The following BUD31 variants were observed in gnomAD, a reference collection of about 807,000 sequenced individuals.
BUD31 encodes protein BUD31 homolog.
BUD31 carries 9 observed loss-of-function variants against 17.9 expected under a neutral mutation model. That is an observed-to-expected ratio of 0.50 (90% CI 0.30 to 0.88). BUD31 has a LOEUF of 0.88. Among genes scored for constraint, BUD31 ranks in the 40% least tolerant of loss-of-function variants. The probability of loss-of-function intolerance (pLI) is 0.06; values close to 1 mark genes in which losing one functional copy is unlikely to be tolerated. For synonymous variants in BUD31, 70 were observed against 64.7 expected (o/e 1.08, Z -0.39); for missense variants, 148 against 184.5 (o/e 0.80, Z 1.15).
chr7:99,409,179 GT>G lies in BUD31; in HGVS notation c.-230del, dbSNP rs2150911904. ...AGCTCCCGAGAGGAGGCGGCGCCAC[GT>G]TCGTTCTTCTGAGGGGACGGTAGAT... is the stretch of plus-strand genomic sequence containing the variant. On this transcript the variant is annotated 5_prime_UTR_variant, in exon 1 of 6. It removes the in-frame stop codon of an upstream open reading frame in the 5' UTR. Coordinates refer to ENST00000222969, the MANE Select transcript of BUD31 (RefSeq NM_003910.4). 1 of 152,470 alleles carries G rather than the reference GT, an allele frequency of 6.6e-6. No homozygotes were observed. The highest frequency in any genetic ancestry group is 2.1e-4 in the South Asian group (1 of 4,828). The allele number at this position is 152,470 out of a possible 1,614,324, so 9.4% of individuals were successfully genotyped here.
intron 3 of BUD31, chr7:99,411,844 T>G (rs1483027979): frequency 2.5e-6 from 1 of 392,986 alleles, no homozygotes; most frequent in East Asian, 8.2e-5. Context: ...GTAATTTGGA[T>G]TACAGGCATG....
chr7:99,417,770 G>A lies in BUD31; in HGVS notation c.384+175G>A, dbSNP rs571988991. On this transcript the variant is annotated intron_variant, in intron 5 of 5. Transcript: ENST00000222969. ...TATTCAGGAATCCATGTGAGGCAGC[G>A]TGTGGCTGTGTGTTTGTTAGGTCTG... is the stretch of plus-strand genomic sequence containing the variant. 4.8e-5 allele frequency: 74 copies of A among 1,531,372 alleles called. 1 individual carries two copies. In the South Asian group the frequency reaches 5.2e-4, roughly 11 times the overall value. 94.9% of individuals were successfully genotyped at this position (1,531,372 alleles called of 1,614,324 possible).
intron 3 of BUD31, among the ~76,000 whole-genome samples, chr7:99,412,792 T>G (rs890637021): frequency 1.3e-5 from 2 of 150,586 alleles, no homozygotes; most frequent in African/African-American, 2.5e-5. Flanking sequence ...TTTTTTTTTT[T>G]TTGTATTTTT....
chr7:99,415,352 CATT>C, intron 3 of BUD31: 1 of 429,788 alleles, frequency 2.3e-6, no homozygotes, highest in South Asian at 1.7e-5. Flanking sequence ...CAGCTTATGC[CATT>C]ATTTCTGCTT....
chr7:99,409,725 C>A (rs966453822), intron 1 of BUD31, among the ~76,000 whole-genome samples: 1 of 116,304 alleles, frequency 8.6e-6, no homozygotes, highest in African/African-American at 3.4e-5. Context: ...GATTCCTCCT[C>A]TATATGGTTG....
In BUD31 at chr7:99,409,140, T is replaced by C. The variant is rs10277447; in HGVS notation, c.-271T>C. On this transcript the variant is annotated 5_prime_UTR_variant, in exon 1 of 6. Coordinates refer to ENST00000222969, the MANE Select transcript of BUD31 (RefSeq NM_003910.4). Reference sequence around the variant, plus strand: ...CTGGGATGTGTTCGGGCTTTGGACCTTGAGGCCGGAGAGAGCTCCCGAGAG... The same window carrying C: ...CTGGGATGTGTTCGGGCTTTGGACCCTGAGGCCGGAGAGAGCTCCCGAGAG... 31,828 of 152,270 alleles carry C rather than the reference T, an allele frequency of 0.21. 6,941 individuals carry two copies. The highest frequency in any genetic ancestry group is 0.56 in the African/African-American group (23,136 of 41,470). The allele number at this position is 152,270 out of a possible 1,614,324, so 9.4% of individuals were successfully genotyped here. A position where few individuals can be genotyped will look rare whatever the true frequency, so the allele number is the denominator to read the frequency against.
At chr7:99,419,281 T>C (rs1294342256) in intron 5 of BUD31, 110 bp from the exon 6 acceptor site, 4 of 1,339,310 alleles carry the variant, frequency 3.0e-6, no homozygotes, top group African/African-American at 2.9e-5. Flanking sequence ...CTGAGGTGTG[T>C]CCCTATATGG....
intron 4 of BUD31, chr7:99,416,908 ATGGGCCCT>A: frequency 6.2e-6 from 1 of 161,160 alleles, no homozygotes; most frequent in Admixed American, 5.8e-5. Context: ...TTTTGTGGAG[ATGGGCCCT>A]TGGCCCAGGC....
chr7:99,410,750 C>T (rs906236426), intron 2 of BUD31, among the ~76,000 whole-genome samples: 4 of 152,200 alleles, frequency 2.6e-5, no homozygotes, highest in African/African-American at 9.7e-5. Flanking sequence ...CAGCAAATGT[C>T]TCTTAGGCAC....
chr7:99,411,612 C>G, intron 3 of BUD31: 1 of 437,310 alleles, frequency 2.3e-6, no homozygotes, highest in Non-Finnish European at 4.6e-6. Flanking sequence ...GCTTTGTGAA[C>G]CCGTGTCCTA....
At position 99,417,490 on chromosome 7, in the gene BUD31, A is replaced by G. The variant is rs200656991; in HGVS notation, c.279A>G (p.Lys93=). Residue 93 remains lysine, a synonymous_variant, in exon 5 of 6, where the codon AAA becomes AAG. Coordinates refer to ENST00000222969, the MANE Select transcript of BUD31 (RefSeq NM_003910.4). ...ACAAAAACCTGATTGCAAAATGGAA[A>G]AAGCAAGGATATGAGAACTTGTGCT... ...YADKNLIAKW[K]KQGYENLCCL... 3.7e-6 allele frequency: 6 copies of G among 1,611,742 alleles called. No homozygotes were observed. The Admixed American group carries it at 8.4e-5, about 23-fold the overall frequency.
chr7:99,418,442 C>G (rs1795630593), intron 5 of BUD31: 1 of 153,418 alleles, frequency 6.5e-6, no homozygotes, highest in African/African-American at 2.4e-5. Flanking sequence ...CCCCTCAGCA[C>G]AGTTGTTGGC....
At chr7:99,411,643 T>C (rs1434761102) in intron 3 of BUD31, 7 of 453,192 alleles carry the variant, frequency 1.5e-5, no homozygotes, top group Non-Finnish European at 2.7e-5. Context: ...GGAAATTTTA[T>C]CTGAAGCCAC....
At chr7:99,411,283 G>A (rs1376117147) in intron 3 of BUD31, 97 bp downstream of exon 3, 79 of 890,808 alleles carry the variant, frequency 8.9e-5, no homozygotes, top group Non-Finnish European at 1.3e-4. Flanking sequence ...TAAAAAGAGA[G>A]TGGTCTACTA....
chr7:99,415,759 G>A (rs1215164148), intron 3 of BUD31, among the ~76,000 whole-genome samples: 2 of 152,088 alleles, frequency 1.3e-5, no homozygotes, highest in East Asian at 1.9e-4. Context: ...GCTTGCACTC[G>A]TTTTCTGGTC....
intron 5 of BUD31, 43 bp downstream of exon 5, chr7:99,417,638 A>G (rs749678097): frequency 1.2e-5 from 19 of 1,604,072 alleles, no homozygotes; most frequent in African/African-American, 1.3e-5. Flanking sequence ...TCAGCTCAAA[A>G]TTCTGCCTTA....
intron 3 of BUD31, chr7:99,411,731 G>A: frequency 2.2e-6 from 1 of 455,616 alleles, no homozygotes; most frequent in Admixed American, 2.4e-5. Context: ...TTGAGTTGGA[G>A]TCTTGCTCTG....
At chr7:99,411,634 G>C (rs1795188239) in intron 3 of BUD31, 1 of 452,018 alleles carries the variant, frequency 2.2e-6, no homozygotes, top group Non-Finnish European at 4.4e-6. Context: ...GCTGTCTTTG[G>C]AAATTTTATC....
intron 5 of BUD31, 27 bp from the exon 6 acceptor site, chr7:99,419,361 GCAT>G (rs1049386588): frequency 1.2e-5 from 20 of 1,611,842 alleles, no homozygotes; most frequent in Non-Finnish European, 1.7e-5. Context: ...TGGCGCAGTG[GCAT>G]CGTCTCACTG....
Sources: gnomAD v4.1 joint callset for allele counts (sites outside exome capture counted in the v4.1 genomes callset) on GRCh38, gnomAD v4.1.1 for gene constraint, MANE v1.5 for transcripts, NCBI Gene and HGNC (gene_info 2026-07-23, HGNC 2026-07-21) for gene names.